Variants in ERC2 observed in about 807,000 individuals in gnomAD.
The protein encoded by ERC2 is ELKS/RAB6-interacting/CAST family member 2.
In ERC2, 42 loss-of-function variants were observed where a neutral mutation model predicts 114.8. The observed-to-expected ratio is 0.37, with a 90% CI of 0.29 to 0.47. The LOEUF is 0.47. ERC2 is among the 20% of genes least tolerant of loss of function. The pLI is 0.99. For synonymous variants in ERC2, 454 were observed against 425.5 expected (o/e 1.07, Z -0.82); for missense variants, 939 against 1,150.7 (o/e 0.82, Z 2.66).
intron 12 of ERC2, among the ~76,000 whole-genome samples, chr3:55,984,752 C>T (rs914059500): frequency 2.0e-5 from 3 of 152,094 alleles, no homozygotes; most frequent in Non-Finnish European, 4.4e-5. Context: ...TTGAGAATGA[C>T]GCTTTCCTGC....
chr3:55,987,860 C>T (rs112578220), intron 11 of ERC2, among the ~76,000 whole-genome samples: 397 of 152,230 alleles, frequency 2.6e-3, no homozygotes, highest in African/African-American at 9.2e-3. Flanking sequence ...TTATGTCTTA[C>T]GAGTGGAACC....
chr3:55,841,035 A>T (rs9812501), intron 14 of ERC2, among the ~76,000 whole-genome samples: 27,228 of 152,136 alleles, frequency 0.18, 3,597 homozygotes, highest in African/African-American at 0.37. Flanking sequence ...ATGTTCATTA[A>T]CCTGACTGCT....
At chr3:56,410,504 T>A (rs1018125418) in intron 2 of ERC2, among the ~76,000 whole-genome samples, 3 of 152,230 alleles carry the variant, frequency 2.0e-5, no homozygotes, top group African/African-American at 7.2e-5. Flanking sequence ...AACCTCACCA[T>A]GGGAGAAACA....
intron 15 of ERC2, among the ~76,000 whole-genome samples, chr3:55,733,953 A>G (rs1031575294): frequency 6.6e-6 from 1 of 152,232 alleles, no homozygotes; most frequent in African/African-American, 2.4e-5. Context: ...ATCTTAGTGA[A>G]TATCTTCAAT....
At chr3:56,417,531 T>C (rs2061214191) in intron 2 of ERC2, among the ~76,000 whole-genome samples, 1 of 152,220 alleles carries the variant, frequency 6.6e-6, no homozygotes, top group Non-Finnish European at 1.5e-5. Context: ...GCAGCTCATC[T>C]GAACTTGGTT....
chr3:56,132,653 A>AT (rs111430467), intron 6 of ERC2, among the ~76,000 whole-genome samples: 1 of 152,186 alleles, frequency 6.6e-6, no homozygotes, highest in East Asian at 1.9e-4. Flanking sequence ...AAAGCATTTA[A>AT]TTTTTTTTAC....
intron 17 of ERC2, chr3:55,659,185 A>C (rs953751276): frequency 6.6e-6 from 1 of 152,214 alleles, no homozygotes; most frequent in Admixed American, 6.5e-5. Flanking sequence ...TGAGATGCCT[A>C]TCCTCAGAGG....
chr3:56,108,088 C>A (rs1436012282), intron 6 of ERC2, among the ~76,000 whole-genome samples: 1 of 152,102 alleles, frequency 6.6e-6, no homozygotes, highest in African/African-American at 2.4e-5. Context: ...GGTCCTTTAG[C>A]CTAAGACACT....
In ERC2 at chr3:55,664,621, A is replaced by C. The variant is rs146422650; in HGVS notation, c.*39+19173T>G. 4.4e-4 allele frequency among the ~76,000 whole-genome samples: 67 copies of C among 152,246 alleles called. No individual in the cohort carries two copies. The East Asian group carries it at 0.012, about 28-fold the overall frequency. On this transcript the variant is annotated intron_variant, in intron 17 of 17. Transcript: ENST00000288221. Reference sequence around the variant, plus strand: ...AGGTAGAAGTAATGGTTTTACTTACATCCTGCTTTGTCTCTGCACAGGCTG... The same window carrying C: ...AGGTAGAAGTAATGGTTTTACTTACCTCCTGCTTTGTCTCTGCACAGGCTG...
chr3:56,005,993 T>C (rs1306409766), intron 10 of ERC2, among the ~76,000 whole-genome samples: 1 of 152,074 alleles, frequency 6.6e-6, no homozygotes, highest in East Asian at 1.9e-4. Context: ...TTGTTCAAGA[T>C]TTCTGCTTAA....
chr3:55,873,023 G>A (rs1177697049), intron 14 of ERC2, among the ~76,000 whole-genome samples: 4 of 152,180 alleles, frequency 2.6e-5, no homozygotes, highest in Non-Finnish European at 4.4e-5. Context: ...CATCTAATGA[G>A]CAGAGGCCAG....
chr3:56,299,116 T>G (rs1380392218), intron 2 of ERC2, among the ~76,000 whole-genome samples: 2 of 135,320 alleles, frequency 1.5e-5, no homozygotes, highest in African/African-American at 5.8e-5. Flanking sequence ...GTTTTTTTTT[T>G]TTGTTTTTTT....
chr3:56,235,700 A>C (rs980769163), intron 3 of ERC2, among the ~76,000 whole-genome samples: 6 of 152,238 alleles, frequency 3.9e-5, no homozygotes, highest in Non-Finnish European at 8.8e-5. Context: ...AGTAGCCACT[A>C]ACCACAAATG....
intron 16 of ERC2, among the ~76,000 whole-genome samples, chr3:55,695,059 A>G (rs1351177713): frequency 6.6e-6 from 1 of 152,232 alleles, no homozygotes; most frequent in Admixed American, 6.5e-5. Flanking sequence ...TATCACTGAT[A>G]TGTTTTAAGG....
intron 5 of ERC2, among the ~76,000 whole-genome samples, chr3:56,142,133 A>G (rs1348103963): frequency 6.6e-6 from 1 of 152,114 alleles, no homozygotes; most frequent in Admixed American, 6.6e-5. Context: ...TCACGTTTCT[A>G]TTTAGCTGAG....
intron 14 of ERC2, 93 bp from the exon 15 acceptor site, chr3:55,735,011 G>A: frequency 7.7e-7 from 1 of 1,292,786 alleles, no homozygotes; most frequent in Non-Finnish European, 1.0e-6. Context: ...ACAGAGTATT[G>A]TCTCAATGGA....
rs141075926 is a variant in ERC2, at chr3:56,240,977, C to T, written c.1074+55042G>A. On this transcript the variant is annotated intron_variant, in intron 3 of 17. Coordinates refer to ENST00000288221, the MANE Select transcript of ERC2 (RefSeq NM_015576.3). Reference sequence around the variant, plus strand: ...ATTTTTCAGTCCTCACTCTCCTTTCCTCTCCCCCATTTTGGAGTCCCTAGT... The same window carrying T: ...ATTTTTCAGTCCTCACTCTCCTTTCTTCTCCCCCATTTTGGAGTCCCTAGT... 2.0e-3 allele frequency among the ~76,000 whole-genome samples: 297 copies of T among 152,250 alleles called. 1 individual carries two copies. The highest frequency in any genetic ancestry group is 6.9e-3 in the African/African-American group (288 of 41,566).
intron 3 of ERC2, among the ~76,000 whole-genome samples, chr3:56,276,823 C>T (rs144412285): frequency 0.018 from 2,775 of 152,210 alleles, 28 homozygotes; most frequent in Admixed American, 0.03. Flanking sequence ...AATGATAGCT[C>T]CTGAGCCTAA....
rs1167014393 is a variant in ERC2 at position 55,508,656 on chromosome 3, A to C, written c.*2660T>G. 1 of 152,652 alleles carries C rather than the reference A, an allele frequency of 6.6e-6. No individual in the cohort carries two copies. Among genetic ancestry groups the C allele is most frequent in the African/African-American group, 2.4e-5 (1 of 41,458 alleles). 9.5% of individuals were successfully genotyped at this position (152,652 alleles called of 1,614,324 possible). On this transcript the variant is annotated 3_prime_UTR_variant, in exon 18 of 18. Transcript: ENST00000288221. ...TTCAATCGCCACTCTACACAAAAAC[A>C]TTGCAGATAGAGCTTACGTCAACAC...
Sources: allele counts gnomAD v4.1 joint callset (sites outside exome capture counted in the v4.1 genomes callset), GRCh38; gene constraint gnomAD v4.1.1; transcripts MANE v1.5; gene names NCBI Gene and HGNC (gene_info 2026-07-23, HGNC 2026-07-21).